VWA2: variants seen among roughly 807,000 people sequenced by gnomAD.
VWA2 encodes von Willebrand factor A domain containing 2.
A neutral mutation model predicts 70.4 loss-of-function variants in VWA2; 73 were observed. The ratio of observed to expected loss-of-function variants is 1.04; its 90% CI spans 0.86 to 1.26. The LOEUF is 1.26. Ranked by LOEUF, VWA2 falls within the 50% of genes most tolerant of loss-of-function variation. VWA2 has a pLI of 0.00. For synonymous variants in VWA2, 407 were observed against 423.3 expected, an observed-to-expected ratio of 0.96 and a Z score of 0.47; for missense variants, 1,011 against 998.5, an observed-to-expected ratio of 1.01 and a Z score of -0.17.
chr10:114,268,708 T>C (rs965720108), intron 5 of VWA2, among the ~76,000 whole-genome samples: 1 of 151,216 alleles, frequency 6.6e-6, no homozygotes, highest in Non-Finnish European at 1.5e-5. Flanking sequence ...CTTTTTTTTT[T>C]TTTTGAGACG....
chr10:114,262,321 TATA>T (rs577311055), intron 5 of VWA2, among the ~76,000 whole-genome samples: 48 of 149,548 alleles, frequency 3.2e-4, no homozygotes, highest in Admixed American at 1.9e-3. Context: ...TATATATACA[TATA>T]ATATATATGA....
At chr10:114,282,768 C>T (rs934443022) in intron 9 of VWA2, among the ~76,000 whole-genome samples, 197 bp downstream of exon 9, 5 of 152,270 alleles carry the variant, frequency 3.3e-5, no homozygotes, top group South Asian at 2.1e-4. Context: ...AATGGAGTGG[C>T]GGCTTTGGGA....
chr10:114,240,464 G>A (rs1397514118), intron 1 of VWA2, among the ~76,000 whole-genome samples: 1 of 152,144 alleles, frequency 6.6e-6, no homozygotes, highest in Admixed American at 6.5e-5. Flanking sequence ...TTAGCAATGG[G>A]GACCTCATGC....
At chr10:114,275,593 T>C (rs551497521) in intron 6 of VWA2, among the ~76,000 whole-genome samples, 7 of 152,188 alleles carry the variant, frequency 4.6e-5, no homozygotes, top group African/African-American at 1.7e-4. Flanking sequence ...TTGGTTTTTT[T>C]TCCCCCAGAT....
At chr10:114,290,507 TAGTG>T in intron 13 of VWA2, 142 bp downstream of exon 13, 1 of 1,167,080 alleles carries the variant, frequency 8.6e-7, no homozygotes, top group Non-Finnish European at 1.2e-6. Flanking sequence ...ACGAAACATT[TAGTG>T]AGTACCTCCT....
intron 9 of VWA2, among the ~76,000 whole-genome samples, chr10:114,282,974 C>T (rs537296758): frequency 6.6e-6 from 1 of 152,144 alleles, no homozygotes; most frequent in Non-Finnish European, 1.5e-5. Context: ...AGGGGGTCAT[C>T]GTATATGAGG....
At chr10:114,252,715 C>T (rs1209964215) in intron 2 of VWA2, among the ~76,000 whole-genome samples, 3 of 152,108 alleles carry the variant, frequency 2.0e-5, no homozygotes, top group Non-Finnish European at 4.4e-5. Flanking sequence ...TCTCCTGCCT[C>T]AGCCTCCCAA....
At chr10:114,246,521 AAAAAC>A (rs1427543942) in intron 1 of VWA2, 109 of 810,166 alleles carry the variant, frequency 1.3e-4, no homozygotes, top group Middle Eastern at 3.7e-4. Context: ...AAAAAAAAAA[AAAAAC>A]GAGTATCATG....
chr10:114,263,787 CAG>C (rs1321134705), intron 5 of VWA2, among the ~76,000 whole-genome samples: 3 of 152,194 alleles, frequency 2.0e-5, no homozygotes, highest in African/African-American at 7.2e-5. Context: ...AATATATTTA[CAG>C]AGTTAAGCAA....
rs1228143559 is a variant in VWA2 at position 114,278,018 on chromosome 10, G to GCTCGGCCA, written c.672_679dup (p.Ile227ThrfsTer61). On this transcript the variant is annotated frameshift_variant, in exon 7 of 14. Coordinates refer to ENST00000392982, the MANE Select transcript of VWA2 (RefSeq NM_001272046.2). LOFTEE classifies it high-confidence loss of function. ...AACGGCCTCTTCAGCACCCTCAGCAGCTCGGCCATCTGCTCCAGCGCCACG... is the reference window on the plus strand; with the variant it reads ...AACGGCCTCTTCAGCACCCTCAGCAGCTCGGCCACTCGGCCATCTGCTCCAGCGCCACG... The GCTCGGCCA allele has an allele frequency of 6.2e-7, 1 of 1,612,486 alleles. No homozygotes were observed. The highest frequency in any genetic ancestry group is 8.5e-7 in the Non-Finnish European group (1 of 1,179,042).
chr10:114,278,090 G>A (rs1564728427), intron 7 of VWA2, 43 bp downstream of exon 7: 2 of 1,585,566 alleles, frequency 1.3e-6, no homozygotes, highest in Non-Finnish European at 1.7e-6. Flanking sequence ...GCCATGTGGG[G>A]TCGGGGAGGG....
chr10:114,272,972 G>T, intron 6 of VWA2, 38 bp downstream of exon 6: 1 of 1,567,342 alleles, frequency 6.4e-7, no homozygotes, highest in Non-Finnish European at 8.7e-7. Context: ...CCCTCAGGTG[G>T]TCAGCCTGGG....
intron 8 of VWA2, chr10:114,280,928 A>G (rs1316640011): frequency 6.6e-6 from 1 of 151,836 alleles, no homozygotes; most frequent in Non-Finnish European, 1.5e-5. Context: ...TTTTTTATAG[A>G]TGGGGTCTCA....
chr10:114,254,292 G>A (rs570985909), intron 3 of VWA2, among the ~76,000 whole-genome samples: 3 of 151,918 alleles, frequency 2.0e-5, no homozygotes, highest in East Asian at 3.9e-4. Context: ...GGCTGATCTC[G>A]AACTCCTGAA....
intron 2 of VWA2, among the ~76,000 whole-genome samples, chr10:114,249,650 C>A (rs1370685778): frequency 6.6e-6 from 1 of 152,208 alleles, no homozygotes; most frequent in African/African-American, 2.4e-5. Flanking sequence ...CCACCCATGT[C>A]CCTGCAAAGG....
At chr10:114,259,712 T>G (rs920620056) in intron 4 of VWA2, among the ~76,000 whole-genome samples, 1 of 152,180 alleles carries the variant, frequency 6.6e-6, no homozygotes, top group South Asian at 2.1e-4. Context: ...GATCATCTTT[T>G]CTCCCTGGTT....
At chr10:114,290,189 G>A (rs886683393) in intron 12 of VWA2, 51 bp from the exon 13 acceptor site, 3 of 1,546,304 alleles carry the variant, frequency 1.9e-6, no homozygotes, top group Non-Finnish European at 2.6e-6. Context: ...GGGGTCTTCG[G>A]GTCTAACCCA....
chr10:114,277,148 A>G (rs758904619), intron 6 of VWA2, among the ~76,000 whole-genome samples: 3 of 133,514 alleles, frequency 2.2e-5, no homozygotes, highest in Non-Finnish European at 3.1e-5. Context: ...ATTCTTCTAG[A>G]TACATTACTG....
intron 5 of VWA2, among the ~76,000 whole-genome samples, chr10:114,264,281 T>A (rs2037512007): frequency 6.6e-6 from 1 of 152,256 alleles, no homozygotes; most frequent in African/African-American, 2.4e-5. Context: ...AAATGTTGTA[T>A]ATCCAAACAA....
Sources: gnomAD v4.1 joint callset for allele counts (sites outside exome capture counted in the v4.1 genomes callset) on GRCh38, gnomAD v4.1.1 for gene constraint, MANE v1.5 for transcripts, NCBI Gene and HGNC (gene_info 2026-07-23, HGNC 2026-07-21) for gene names.